The following ST6GALNAC1 variants were observed in gnomAD, a reference collection of about 807,000 sequenced individuals.
ST6GALNAC1 encodes alpha-N-acetylgalactosaminide alpha-2,6-sialyltransferase 1.
Under a neutral mutation model 56.8 loss-of-function variants are expected in ST6GALNAC1, and 45 were observed. That is an observed-to-expected ratio of 0.79 (90% CI 0.62 to 1.02). ST6GALNAC1 has a LOEUF of 1.02. Ranked by LOEUF, ST6GALNAC1 falls within the 50% of genes least tolerant of loss-of-function variation. ST6GALNAC1 has a pLI of 0.00. For synonymous variants in ST6GALNAC1, 295 were observed against 297.8 expected (o/e 0.99, Z 0.10); for missense variants, 743 against 754.8 (o/e 0.98, Z 0.18).
downstream of ST6GALNAC1, among the ~76,000 whole-genome samples, chr17:76,623,361 T>C (rs542206865): frequency 1.3e-5 from 2 of 152,346 alleles, no homozygotes; most frequent in African/African-American, 4.8e-5. Context: ...TCCTTCCGTA[T>C]GAATGTGTGT....
At chr17:76,634,449 G>A (rs900920055) in intron 1 of ST6GALNAC1, among the ~76,000 whole-genome samples, 3 of 152,126 alleles carry the variant, frequency 2.0e-5, no homozygotes, top group Non-Finnish European at 2.9e-5. Flanking sequence ...ATTGTTAGCT[G>A]GGCCTGGAGT....
At chr17:76,628,089 T>C in intron 2 of ST6GALNAC1, among the ~76,000 whole-genome samples, 1 of 86,128 alleles carries the variant, frequency 1.2e-5, no homozygotes, top group African/African-American at 4.7e-5. Flanking sequence ...AGAGCGAGAG[T>C]CCATCTCAAA....
chr17:76,620,202 A>T (rs776737630), downstream of ST6GALNAC1, among the ~76,000 whole-genome samples: 1 of 150,718 alleles, frequency 6.6e-6, no homozygotes, highest in East Asian at 2.0e-4. Context: ...CACCATGCCC[A>T]GCTAATTTTG....
Position 76,627,657 on chromosome 17 carries a change from C to T in ST6GALNAC1, c.832-74G>A, listed in dbSNP as rs2075824408. ...TCGGCCAGGGGCTGCACCACTGCAG[C>T]AAGGGCTGGGGCTCGCAGTTTGGAA... On this transcript the variant is annotated intron_variant, in intron 2 of 8. Coordinates refer to ENST00000156626, the MANE Select transcript of ST6GALNAC1 (RefSeq NM_018414.5). The surrounding 1 kb of genome is among the most constrained non-coding windows in gnomAD (Gnocchi z 4.4). The T allele has an allele frequency of 2.1e-6, 3 of 1,463,242 alleles. No homozygotes were observed. Among genetic ancestry groups the T allele is most frequent in the East Asian group, 4.5e-5 (2 of 44,048 alleles). The allele number at this position is 1,463,242 out of a possible 1,614,324, so 90.6% of individuals were successfully genotyped here. A position where few individuals can be genotyped will look rare whatever the true frequency, so the allele number is the denominator to read the frequency against.
rs553287484 is a variant in ST6GALNAC1, at chr17:76,629,685, T to C, written c.158A>G (p.Glu53Gly). The C allele has an allele frequency of 6.2e-7, 1 of 1,614,006 alleles. No homozygotes were observed. The highest frequency in any genetic ancestry group is 1.1e-5 in the South Asian group (1 of 91,084). Residue 53 changes from glutamate (E) to glycine (G), a missense_variant, in exon 2 of 9, where the codon GAA (glutamate) becomes GGA (glycine). Coordinates refer to ENST00000156626, the MANE Select transcript of ST6GALNAC1 (RefSeq NM_018414.5). ...SRHQRTENIK[E>G]RSLQSLAKPK... ...CTTTGCCAGGGACTGTAGAGACCTT[T>C]CTTTAATGTTCTCTGTGCGTTGATG...
At chr17:76,639,544 C>T (rs978360567) in intron 1 of ST6GALNAC1, among the ~76,000 whole-genome samples, 1 of 151,958 alleles carries the variant, frequency 6.6e-6, no homozygotes, top group Non-Finnish European at 1.5e-5. Flanking sequence ...CACTGCACTC[C>T]AGCCTGGGTG....
intron 1 of ST6GALNAC1, chr17:76,633,924 C>T (rs2075942172): frequency 6.6e-6 from 1 of 152,142 alleles, no homozygotes; most frequent in East Asian, 1.9e-4. Context: ...CGAGAGATAA[C>T]ACAGGAATGT....
In ST6GALNAC1 at chr17:76,638,000, T is replaced by G. The variant is rs530580832; in HGVS notation, c.131+5508A>C. Among the ~76,000 whole-genome samples the G allele has an allele frequency of 3.2e-3, 482 of 152,170 alleles. 1 individual carries two copies. Among genetic ancestry groups the G allele is most frequent in the Non-Finnish European group, 4.9e-3 (334 of 68,010 alleles). On this transcript the variant is annotated intron_variant, in intron 1 of 8. Coordinates refer to ENST00000156626, the MANE Select transcript of ST6GALNAC1 (RefSeq NM_018414.5). Reference sequence around the variant, plus strand: ...ATGTGCCACCGTGCCCGGCTAATTTTCATATTTTTAGTAGAGATGGAATTT... The same window carrying G: ...ATGTGCCACCGTGCCCGGCTAATTTGCATATTTTTAGTAGAGATGGAATTT...
chr17:76,639,031 G>C (rs1233290207), intron 1 of ST6GALNAC1, among the ~76,000 whole-genome samples: 1 of 152,078 alleles, frequency 6.6e-6, no homozygotes, highest in Non-Finnish European at 1.5e-5. Flanking sequence ...CGTTGCAATG[G>C]TCTCTAAACT....
At chr17:76,618,597 G>A in the ST6GALNAC1 span, among the ~76,000 whole-genome samples, 3 of 152,036 alleles carry the variant, frequency 2.0e-5, no homozygotes, top group East Asian at 1.9e-4. Context: ...GGGCAACATA[G>A]TGAAACTCCA....
At chr17:76,626,253 C>A (rs372909608) in intron 6 of ST6GALNAC1, 36 bp downstream of exon 6, 3 of 1,606,058 alleles carry the variant, frequency 1.9e-6, no homozygotes, top group Non-Finnish European at 2.6e-6. Context: ...CATGGCTCAG[C>A]CTGGGATAAG....
chr17:76,621,722 G>A (rs182967669), downstream of ST6GALNAC1, among the ~76,000 whole-genome samples: 39 of 152,152 alleles, frequency 2.6e-4, no homozygotes, highest in East Asian at 4.1e-3. Flanking sequence ...TGATCCGCCC[G>A]CCTCGGCTTC....
Position 76,625,597 on chromosome 17 carries a change from C to T in ST6GALNAC1, c.1606-70G>A, listed in dbSNP as rs557999032. On this transcript the variant is annotated intron_variant, in intron 8 of 8. Coordinates refer to ENST00000156626, the MANE Select transcript of ST6GALNAC1 (RefSeq NM_018414.5). ...CCCAGGCTTCTTCTCATGGCTAATT[C>T]TGTGTTGAGGGGTGGGGGTTCTTTT... The T allele has an allele frequency of 5.7e-5, 89 of 1,559,476 alleles. No homozygotes were observed. The African/African-American group carries it at 8.4e-4, about 15-fold the overall frequency.
rs141702482 is a variant in ST6GALNAC1 at position 76,625,872 on chromosome 17, G to T, written c.1552C>A (p.Arg518Ser). Residue 518 changes from arginine (R) to serine (S), a missense_variant, in exon 8 of 9, where the codon CGC (arginine) becomes AGC (serine). Arg to Ser is a moderately radical substitution (Grantham distance 110). Coordinates refer to ENST00000156626, the MANE Select transcript of ST6GALNAC1 (RefSeq NM_018414.5). ...AGCAGGAGGGCCCCAGTGGTGGGGC[G>T]GTATATCCTCCAGTGGGCACCATCC... Reference protein sequence around the residue: ...TLDGAHWRIYRPTTGALLLLT... With the variant: ...TLDGAHWRIYSPTTGALLLLT... 8 of 1,554,406 alleles carry T rather than the reference G, an allele frequency of 5.1e-6. No homozygotes were observed. The East Asian group carries it at 1.6e-4, about 31-fold the overall frequency.
Position 76,629,294 on chromosome 17 carries a change from C to A in ST6GALNAC1, c.549G>T (p.Lys183Asn). The A allele has an allele frequency of 6.2e-7, 1 of 1,614,162 alleles. No homozygotes were observed. Among genetic ancestry groups the A allele is most frequent in the Non-Finnish European group, 8.5e-7 (1 of 1,180,042 alleles). Residue 183 changes from lysine (K) to asparagine (N), a missense_variant, in exon 2 of 9, where the codon AAG becomes AAT. Physicochemically the swap from Lys to Asn is moderately conservative, Grantham distance 94 (BLOSUM62 0). Transcript: ENST00000156626. ...KLTASRTVSE[K>N]HQGKAATTAK... ...CTGTGGTTGCCGCTTTGCCCTGGTGCTTCTCTGACACCGTCCTGGAGGCCG... is the reference window on the plus strand; with the variant it reads ...CTGTGGTTGCCGCTTTGCCCTGGTGATTCTCTGACACCGTCCTGGAGGCCG...
chr17:76,643,677 C>T lies in ST6GALNAC1; in HGVS notation c.-39G>A. The stretch of plus-strand genomic sequence containing the variant: ...GTTCTAGAGGAAGGTTCTGCATGTC[C>T]TGGGGCCTTGATGTAGGCAGCTGGG... On this transcript the variant is annotated 5_prime_UTR_variant, in exon 1 of 9. Transcript: ENST00000156626. The T allele has an allele frequency of 6.2e-7, 1 of 1,607,128 alleles. No homozygotes were observed. The highest frequency in any genetic ancestry group is 8.5e-7 in the Non-Finnish European group (1 of 1,176,140).
At chr17:76,635,495 G>C (rs1299441015) in intron 1 of ST6GALNAC1, among the ~76,000 whole-genome samples, 1 of 152,142 alleles carries the variant, frequency 6.6e-6, no homozygotes, top group East Asian at 1.9e-4. Flanking sequence ...CAAACGGCTG[G>C]GTGTGGTGGT....
chr17:76,617,672 G>A, the ST6GALNAC1 span, among the ~76,000 whole-genome samples: 1 of 152,044 alleles, frequency 6.6e-6, no homozygotes, highest in African/African-American at 2.4e-5. Context: ...TCGGGAGGCT[G>A]AGGTGAGAGG....
At chr17:76,634,698 A>G (rs1477770355) in intron 1 of ST6GALNAC1, among the ~76,000 whole-genome samples, 1 of 151,978 alleles carries the variant, frequency 6.6e-6, no homozygotes, top group African/African-American at 2.4e-5. Context: ...AGCCTGGCCA[A>G]CATGGTGAAA....
Sources: allele counts gnomAD v4.1 joint callset (sites outside exome capture counted in the v4.1 genomes callset), GRCh38; gene constraint gnomAD v4.1.1; non-coding constraint Gnocchi (gnomAD v3.1); transcripts MANE v1.5; gene names NCBI Gene and HGNC (gene_info 2026-07-23, HGNC 2026-07-21).